Variants in PDE4B observed in about 807,000 individuals in gnomAD.
PDE4B encodes the protein 3',5'-cyclic-AMP phosphodiesterase 4B.
A neutral mutation model predicts 82.2 loss-of-function variants in PDE4B; 20 were observed. That is an observed-to-expected ratio of 0.24 (90% CI 0.17 to 0.35). PDE4B has a LOEUF of 0.35. Ranked by LOEUF, PDE4B falls within the 10% of genes least tolerant of loss-of-function variation. PDE4B has a pLI of 1.00. For synonymous variants in PDE4B, 320 were observed against 318.9 expected (o/e 1.00, Z -0.04); for missense variants, 655 against 907.2 (o/e 0.72, Z 3.57).
chr1:65,961,436 C>T (rs913621158), intron 3 of PDE4B, among the ~76,000 whole-genome samples: 8 of 151,954 alleles, frequency 5.3e-5, no homozygotes, highest in East Asian at 1.9e-4. Context: ...CTTTGAGAGA[C>T]GATATCTATT....
chr1:66,197,416 AGCTT>A (rs1341105398), intron 3 of PDE4B, among the ~76,000 whole-genome samples: 2 of 152,150 alleles, frequency 1.3e-5, no homozygotes, highest in African/African-American at 4.8e-5. Flanking sequence ...AATCTCTCAT[AGCTT>A]GCAGCAGTCT....
At chr1:66,362,556 T>C (rs990382990) in intron 10 of PDE4B, among the ~76,000 whole-genome samples, 1 of 152,198 alleles carries the variant, frequency 6.6e-6, no homozygotes, top group African/African-American at 2.4e-5. Flanking sequence ...TGAAATAAAT[T>C]GGTCCTTAAA....
intron 3 of PDE4B, among the ~76,000 whole-genome samples, chr1:66,213,955 T>G (rs1390106860): frequency 1.3e-5 from 2 of 152,188 alleles, no homozygotes; most frequent in East Asian, 3.8e-4. Context: ...GACCAAACGC[T>G]TCTTTATAAT....
intron 1 of PDE4B, among the ~76,000 whole-genome samples, chr1:65,852,750 A>C (rs1430787683): frequency 2.6e-5 from 4 of 152,006 alleles, no homozygotes; most frequent in Admixed American, 2.0e-4. Flanking sequence ...GTGGTCAGAT[A>C]CATCTTTTGA....
chr1:65,802,334 G>A (rs1327340952), intron 1 of PDE4B, among the ~76,000 whole-genome samples: 1 of 152,120 alleles, frequency 6.6e-6, no homozygotes, highest in Non-Finnish European at 1.5e-5. Context: ...AGTTAATAAA[G>A]CTTCCAGGCA....
chr1:65,903,418 T>C (rs1004466554), intron 1 of PDE4B, among the ~76,000 whole-genome samples: 6 of 115,240 alleles, frequency 5.2e-5, no homozygotes, highest in Non-Finnish European at 7.8e-5. Context: ...CACACACACA[T>C]GCACACACAC....
At chr1:66,265,910 G>A in intron 6 of PDE4B, 128 bp from the exon 7 acceptor site, 2 of 700,806 alleles carry the variant, frequency 2.9e-6, no homozygotes, top group Non-Finnish European at 5.2e-6. Flanking sequence ...TTCCGGAGAT[G>A]GCATTATGTC....
intron 3 of PDE4B, among the ~76,000 whole-genome samples, chr1:65,990,950 A>G (rs1004779943): frequency 1.3e-5 from 2 of 152,052 alleles, no homozygotes; most frequent in Admixed American, 6.6e-5. Flanking sequence ...AACCCTTCCT[A>G]CTATGTTTCA....
intron 3 of PDE4B, among the ~76,000 whole-genome samples, chr1:65,945,272 G>A (rs1443938320): frequency 6.6e-6 from 1 of 151,946 alleles, no homozygotes; most frequent in African/African-American, 2.4e-5. Flanking sequence ...GGATGGTGTG[G>A]TGGTCATAGG....
intron 1 of PDE4B, among the ~76,000 whole-genome samples, chr1:65,834,267 C>T (rs781781242): frequency 7.9e-5 from 12 of 151,144 alleles, no homozygotes; most frequent in Non-Finnish European, 1.2e-4. Context: ...TGATCTTGAA[C>T]TCCTGACCTC....
chr1:66,132,551 T>C (rs932627195), intron 3 of PDE4B, among the ~76,000 whole-genome samples: 10 of 152,180 alleles, frequency 6.6e-5, no homozygotes, highest in Admixed American at 6.5e-4. Context: ...GTTGGTGCTA[T>C]AAAGGCCTGC....
At chr1:66,103,728 T>A (rs1479050947) in intron 3 of PDE4B, among the ~76,000 whole-genome samples, 2 of 152,024 alleles carry the variant, frequency 1.3e-5, no homozygotes, top group Admixed American at 6.6e-5. Context: ...TCTAGAGATT[T>A]CCCCCTGTGC....
At chr1:65,847,752 G>A (rs991853188) in intron 1 of PDE4B, among the ~76,000 whole-genome samples, 1 of 152,168 alleles carries the variant, frequency 6.6e-6, no homozygotes. Context: ...CCGGAAAGGT[G>A]GCAGTTCTTT....
chr1:66,015,418 G>T (rs1652714523), intron 3 of PDE4B, among the ~76,000 whole-genome samples: 1 of 152,028 alleles, frequency 6.6e-6, no homozygotes, highest in African/African-American at 2.4e-5. Flanking sequence ...TAAAATTCCA[G>T]AGCTTGGCTC....
At chr1:66,034,147 A>G (rs529496846) in intron 3 of PDE4B, among the ~76,000 whole-genome samples, 1 of 152,014 alleles carries the variant, frequency 6.6e-6, no homozygotes, top group Admixed American at 6.6e-5. Flanking sequence ...CCTCTTTGTG[A>G]GTGAGCTTTC....
intron 3 of PDE4B, among the ~76,000 whole-genome samples, chr1:65,949,136 A>G (rs917224465): frequency 6.6e-6 from 1 of 151,926 alleles, no homozygotes. Context: ...CTCTTCTCAG[A>G]TCCTATCATC....
At chr1:66,066,106 T>C (rs1053633676) in intron 3 of PDE4B, among the ~76,000 whole-genome samples, 3 of 151,526 alleles carry the variant, frequency 2.0e-5, no homozygotes, top group African/African-American at 7.3e-5. Flanking sequence ...CTTAGAAAAA[T>C]ATATAAATAA....
intron 1 of PDE4B, among the ~76,000 whole-genome samples, chr1:65,850,232 G>C (rs1646316051): frequency 6.6e-6 from 1 of 151,680 alleles, no homozygotes; most frequent in South Asian, 2.1e-4. Flanking sequence ...AAGTAGCTGG[G>C]ATTACAGGCG....
intron 3 of PDE4B, among the ~76,000 whole-genome samples, chr1:66,233,712 G>A (rs949281422): frequency 6.8e-6 from 1 of 146,388 alleles, no homozygotes; most frequent in Non-Finnish European, 1.5e-5. Context: ...GTGTGTGTGT[G>A]TATAAAGGAT....
Sources: gnomAD v4.1 joint callset for allele counts (sites outside exome capture counted in the v4.1 genomes callset) on GRCh38, gnomAD v4.1.1 for gene constraint, MANE v1.5 for transcripts, NCBI Gene and HGNC (gene_info 2026-07-23, HGNC 2026-07-21) for gene names.